Variants in LINGO2 observed in about 807,000 individuals in gnomAD.
LINGO2 encodes the protein leucine-rich repeat and immunoglobulin-like domain-containing nogo receptor-interacting protein 2.
A neutral mutation model predicts 30.6 loss-of-function variants in LINGO2; 14 were observed. That is an observed-to-expected ratio of 0.46 (90% CI 0.30 to 0.72). LINGO2 has a LOEUF of 0.72. LINGO2 is among the 30% of genes least tolerant of loss of function. LINGO2 has a pLI of 0.07. For synonymous variants in LINGO2, 317 were observed against 288.5 expected, an observed-to-expected ratio of 1.10 and a Z score of -1.00; for missense variants, 729 against 751.7, an observed-to-expected ratio of 0.97 and a Z score of 0.35.
intron 1 of LINGO2, among the ~76,000 whole-genome samples, chr9:28,478,916 C>T (rs1470377336): frequency 6.6e-6 from 1 of 151,976 alleles, no homozygotes; most frequent in African/African-American, 2.4e-5. Context: ...AACTTCTGCA[C>T]TTTTCTGTGC....
chr9:28,266,218 C>T (rs553448397), intron 4 of LINGO2, among the ~76,000 whole-genome samples: 7 of 151,996 alleles, frequency 4.6e-5, no homozygotes, highest in South Asian at 4.2e-4. Flanking sequence ...GATGAAGTAC[C>T]CCCAGAGGTC....
At chr9:28,889,436 A>C in the LINGO2 span, among the ~76,000 whole-genome samples, 1 of 40,322 alleles carries the variant, frequency 2.5e-5, no homozygotes, top group African/African-American at 7.2e-5. Flanking sequence ...TTTTTGCTTC[A>C]GTTTTTTTTT....
chr9:28,988,810 T>C, the LINGO2 span, among the ~76,000 whole-genome samples: 1 of 152,328 alleles, frequency 6.6e-6, no homozygotes, highest in South Asian at 2.1e-4. Context: ...GGTGGCACAG[T>C]TGAAGTGACA....
At chr9:28,443,057 C>T (rs1376731849) in intron 2 of LINGO2, among the ~76,000 whole-genome samples, 3 of 151,940 alleles carry the variant, frequency 2.0e-5, no homozygotes, top group Non-Finnish European at 4.4e-5. Context: ...AGGAGTACTT[C>T]AGTTATAATT....
chr9:28,563,918 C>T (rs1282537087), intron 1 of LINGO2, among the ~76,000 whole-genome samples: 1 of 152,036 alleles, frequency 6.6e-6, no homozygotes, highest in African/African-American at 2.4e-5. Context: ...CCTACCTATG[C>T]ATAACAATGA....
intron 4 of LINGO2, among the ~76,000 whole-genome samples, chr9:28,050,076 G>T (rs896467043): frequency 6.6e-6 from 1 of 150,628 alleles, no homozygotes; most frequent in African/African-American, 2.5e-5. Context: ...AAAAAGGTAG[G>T]GCTTTGTGAT....
At chr9:28,579,440 T>C (rs116520012) in intron 1 of LINGO2, among the ~76,000 whole-genome samples, 5 of 152,206 alleles carry the variant, frequency 3.3e-5, no homozygotes, top group African/African-American at 1.2e-4. Context: ...TCTATTATAC[T>C]AAACTGTGAA....
chr9:28,587,164 T>C (rs1824592993), intron 1 of LINGO2, among the ~76,000 whole-genome samples: 1 of 151,956 alleles, frequency 6.6e-6, no homozygotes, highest in African/African-American at 2.4e-5. Context: ...AACACTGACC[T>C]TGACTATGTT....
At chr9:28,016,302 C>T (rs1455939355) in intron 4 of LINGO2, among the ~76,000 whole-genome samples, 2 of 152,138 alleles carry the variant, frequency 1.3e-5, no homozygotes, top group Non-Finnish European at 2.9e-5. Context: ...GTTTCCGTTG[C>T]AGATCCCACC....
At chr9:27,963,285 G>T (rs2118614492) in intron 5 of LINGO2, among the ~76,000 whole-genome samples, 1 of 152,214 alleles carries the variant, frequency 6.6e-6, no homozygotes, top group Middle Eastern at 3.4e-3. Context: ...ATCAGTATTT[G>T]TCAGGACAGA....
chr9:29,144,340 A>G, the LINGO2 span, among the ~76,000 whole-genome samples: 142 of 152,262 alleles, frequency 9.3e-4, no homozygotes, highest in African/African-American at 3.2e-3. Flanking sequence ...GAATCTATAA[A>G]TTGCTTTGGG....
chr9:28,057,715 G>A (rs146118283), intron 4 of LINGO2, among the ~76,000 whole-genome samples: 246 of 144,146 alleles, frequency 1.7e-3, no homozygotes, highest in Non-Finnish European at 2.5e-3. Context: ...TCAAGAATAC[G>A]TTCATGTTAA....
intron 3 of LINGO2, among the ~76,000 whole-genome samples, chr9:28,332,201 A>G (rs1345529585): frequency 2.0e-5 from 3 of 151,560 alleles, no homozygotes; most frequent in African/African-American, 4.8e-5. Flanking sequence ...TTTTTTTTCT[A>G]GTCCTTGCTT....
At chr9:28,691,756 G>T in the LINGO2 span, among the ~76,000 whole-genome samples, 1,408 of 152,196 alleles carry the variant, frequency 9.3e-3, 21 homozygotes, top group African/African-American at 0.033. Context: ...TTAGCAAAAA[G>T]ATTTTAAAAG....
At chr9:28,546,783 G>A (rs1821973604) in intron 1 of LINGO2, among the ~76,000 whole-genome samples, 1 of 151,944 alleles carries the variant, frequency 6.6e-6, no homozygotes, top group Admixed American at 6.6e-5. Flanking sequence ...CCCTTCCAAT[G>A]TCCTTCAGTT....
the LINGO2 span, among the ~76,000 whole-genome samples, chr9:28,769,508 ATATATATATATTTTTTTTTTTTTTTTTTT>A: frequency 1.1e-3 from 3 of 2,834 alleles, 1 homozygote; most frequent in African/African-American, 3.2e-3. Flanking sequence ...ATATATATAT[ATATATATATATTTTTTTTTTTTTTTTTTT>A]TTTTTTTTAC....
the LINGO2 span, among the ~76,000 whole-genome samples, chr9:28,878,028 C>CA: frequency 5.3e-5 from 8 of 151,798 alleles, no homozygotes; most frequent in Admixed American, 5.3e-4. Flanking sequence ...TGAAACCCTT[C>CA]AAAAATTAAT....
chr9:28,011,641 G>GA (rs1328092338), intron 5 of LINGO2, among the ~76,000 whole-genome samples: 1 of 152,150 alleles, frequency 6.6e-6, no homozygotes, highest in African/African-American at 2.4e-5. Context: ...AAAAGTGATG[G>GA]AATTGTATTT....
intron 4 of LINGO2, among the ~76,000 whole-genome samples, chr9:28,064,852 C>G (rs1247890859): frequency 1.3e-5 from 2 of 151,966 alleles, no homozygotes; most frequent in African/African-American, 4.8e-5. Flanking sequence ...TCAGGTCTTG[C>G]TAGCATGGCA....
Sources: gnomAD v4.1 joint callset for allele counts (sites outside exome capture counted in the v4.1 genomes callset) on GRCh38, gnomAD v4.1.1 for gene constraint, MANE v1.5 for transcripts, NCBI Gene and HGNC (gene_info 2026-07-23, HGNC 2026-07-21) for gene names.